The following TEX9 variants were observed in gnomAD, a reference collection of about 807,000 sequenced individuals.
TEX9 encodes testis expressed 9.
A neutral mutation model predicts 59.6 loss-of-function variants in TEX9; 74 were observed. The observed-to-expected ratio is 1.24, with a 90% confidence interval of 1.03 to 1.51. The LOEUF is 1.51. Among genes scored for constraint, TEX9 ranks in the 40% most tolerant of loss-of-function variants. The pLI is 0.00. For synonymous variants in TEX9, 186 were observed against 152.2 expected, an observed-to-expected ratio of 1.22 and a Z score of -1.64; for missense variants, 522 against 447.8, an observed-to-expected ratio of 1.17 and a Z score of -1.49.
intron 1 of TEX9, among the ~76,000 whole-genome samples, chr15:56,259,372 C>G (rs542809740): frequency 6.6e-6 from 1 of 152,034 alleles, no homozygotes; most frequent in South Asian, 2.1e-4. Flanking sequence ...GATTTCTCTT[C>G]TTGGATATTA....
intron 1 of TEX9, among the ~76,000 whole-genome samples, chr15:56,282,328 A>C (rs2044837817): frequency 6.6e-6 from 1 of 152,216 alleles, no homozygotes; most frequent in South Asian, 2.1e-4. Context: ...CTGCAAGAAT[A>C]GAAGTAAACA....
intron 1 of TEX9, among the ~76,000 whole-genome samples, chr15:56,333,243 G>A (rs925234313): frequency 4.6e-5 from 7 of 152,092 alleles, no homozygotes; most frequent in African/African-American, 1.7e-4. Flanking sequence ...TATCTCTGAT[G>A]AACATTGATG....
intron 1 of TEX9, among the ~76,000 whole-genome samples, chr15:56,313,263 T>G (rs1345256354): frequency 3.0e-5 from 1 of 33,384 alleles, no homozygotes; most frequent in South Asian, 2.0e-3. Context: ...GCCCATTCAG[T>G]ATGATATTGG....
intron 1 of TEX9, among the ~76,000 whole-genome samples, chr15:56,278,658 C>T (rs2044739775): frequency 6.6e-6 from 1 of 152,226 alleles, no homozygotes; most frequent in Admixed American, 6.5e-5. Flanking sequence ...ATTTATTCTG[C>T]CTTTTAGAAG....
intron 1 of TEX9, among the ~76,000 whole-genome samples, chr15:56,283,390 A>G (rs1331319444): frequency 3.3e-5 from 5 of 152,208 alleles, no homozygotes; most frequent in Admixed American, 3.3e-4. Flanking sequence ...ATATTAAAGC[A>G]TATTATAACT....
At chr15:56,408,117 C>T (rs2049166376) in intron 9 of TEX9, among the ~76,000 whole-genome samples, 1 of 152,206 alleles carries the variant, frequency 6.6e-6, no homozygotes, top group Non-Finnish European at 1.5e-5. Flanking sequence ...TATCATTGCT[C>T]CCCTTTACAG....
intron 3 of TEX9, among the ~76,000 whole-genome samples, chr15:56,379,510 G>A (rs1371323285): frequency 6.6e-6 from 1 of 152,176 alleles, no homozygotes; most frequent in African/African-American, 2.4e-5. Flanking sequence ...GGAGAATAAT[G>A]TGTATCTGTA....
chr15:56,416,325 T>C (rs137855200), intron 10 of TEX9, among the ~76,000 whole-genome samples: 4,743 of 151,966 alleles, frequency 0.031, 365 homozygotes, highest in African/African-American at 0.11. Context: ...CTTTTGTCCA[T>C]TCAGTATAAT....
intron 1 of TEX9, among the ~76,000 whole-genome samples, chr15:56,306,948 C>T (rs185645026): frequency 1.6e-4 from 24 of 152,260 alleles, no homozygotes; most frequent in Non-Finnish European, 2.6e-4. Flanking sequence ...ATTTAGTTTA[C>T]CTGTTGCTAA....
intron 1 of TEX9, among the ~76,000 whole-genome samples, chr15:56,353,467 GT>G (rs1308759832): frequency 6.6e-6 from 1 of 152,134 alleles, no homozygotes; most frequent in Non-Finnish European, 1.5e-5. Flanking sequence ...TGAACTAACA[GT>G]GTACACTTTT....
intron 1 of TEX9, among the ~76,000 whole-genome samples, chr15:56,267,731 G>T (rs1461552929): frequency 6.6e-6 from 1 of 151,902 alleles, no homozygotes; most frequent in Non-Finnish European, 1.5e-5. Flanking sequence ...TTTACTGTAG[G>T]GTTGTAGTAT....
intron 9 of TEX9, among the ~76,000 whole-genome samples, chr15:56,404,228 C>T (rs879581622): frequency 3.3e-5 from 5 of 152,254 alleles, no homozygotes; most frequent in Non-Finnish European, 7.4e-5. Flanking sequence ...TTTTTGCAAT[C>T]CACCCATCTG....
chr15:56,260,966 C>A (rs572247291), intron 1 of TEX9, among the ~76,000 whole-genome samples: 4 of 151,424 alleles, frequency 2.6e-5, no homozygotes, highest in African/African-American at 9.7e-5. Context: ...GTTTAGATGA[C>A]GTGATTTTAT....
At chr15:56,308,833 C>T (rs752370466) in intron 1 of TEX9, among the ~76,000 whole-genome samples, 29 of 152,104 alleles carry the variant, frequency 1.9e-4, no homozygotes, top group Non-Finnish European at 3.5e-4. Flanking sequence ...TTATTTTATA[C>T]TATTGCTGAA....
chr15:56,315,025 A>G (rs1314634165), intron 1 of TEX9, among the ~76,000 whole-genome samples: 2 of 150,598 alleles, frequency 1.3e-5, no homozygotes, highest in Non-Finnish European at 3.0e-5. Flanking sequence ...CCATCCTTTT[A>G]TTTTGAGCCT....
chr15:56,448,901 G>T (rs1238678522), downstream of TEX9, among the ~76,000 whole-genome samples: 1 of 151,788 alleles, frequency 6.6e-6, no homozygotes, highest in African/African-American at 2.4e-5. Flanking sequence ...CTACAGGTGT[G>T]TGCCACCATG....
chr15:56,257,170 T>C (rs2044162807), intron 1 of TEX9, among the ~76,000 whole-genome samples: 1 of 152,206 alleles, frequency 6.6e-6, no homozygotes, highest in South Asian at 2.1e-4. Flanking sequence ...TACTACATTT[T>C]CTTTACCCAG....
At chr15:56,279,210 C>T (rs964173884) in intron 1 of TEX9, among the ~76,000 whole-genome samples, 4 of 152,106 alleles carry the variant, frequency 2.6e-5, no homozygotes, top group African/African-American at 9.7e-5. Context: ...TTATAGTTTT[C>T]TCATGTTTTA....
At chr15:56,309,020 T>G (rs1166841826) in intron 1 of TEX9, among the ~76,000 whole-genome samples, 4 of 152,200 alleles carry the variant, frequency 2.6e-5, no homozygotes, top group Non-Finnish European at 4.4e-5. Context: ...TTATTTTGAT[T>G]ATTCTGGATT....
Sources: allele counts gnomAD v4.1 joint callset (sites outside exome capture counted in the v4.1 genomes callset), GRCh38; gene constraint gnomAD v4.1.1; transcripts MANE v1.5; gene names NCBI Gene and HGNC (gene_info 2026-07-23, HGNC 2026-07-21).